PARD3: variants seen among roughly 807,000 people sequenced by gnomAD.
PARD3 encodes partitioning defective 3 homolog.
PARD3 carries 75 observed loss-of-function variants against 155.4 expected under a neutral mutation model. The observed-to-expected ratio is 0.48, with a 90% CI of 0.40 to 0.58. The LOEUF (loss-of-function observed/expected upper bound fraction) is 0.58, where lower values mean the gene tolerates loss of function less well. Among genes scored for constraint, PARD3 ranks in the 20% least tolerant of loss-of-function variants. The pLI is 0.00. For synonymous variants in PARD3, 576 were observed against 610.5 expected, an observed-to-expected ratio of 0.94 and a Z score of 0.83; for missense variants, 1,642 against 1,721.7, an observed-to-expected ratio of 0.95 and a Z score of 0.82.
At chr10:34,774,468 T>C (rs189546446) in intron 1 of PARD3, among the ~76,000 whole-genome samples, 218 of 152,334 alleles carry the variant, frequency 1.4e-3, no homozygotes, top group African/African-American at 5.0e-3. Flanking sequence ...GCTGTTTCTA[T>C]GGTTGAATAC....
At chr10:34,492,595 T>C (rs1455424882) in intron 3 of PARD3, among the ~76,000 whole-genome samples, 1 of 152,176 alleles carries the variant, frequency 6.6e-6, no homozygotes, top group African/African-American at 2.4e-5. Flanking sequence ...CTTTAGAAAA[T>C]AATATTTGAA....
intron 22 of PARD3, among the ~76,000 whole-genome samples, chr10:34,180,150 C>G (rs1223102677): frequency 2.6e-5 from 4 of 152,038 alleles, no homozygotes; most frequent in Non-Finnish European, 4.4e-5. Flanking sequence ...CGGGTTCAAG[C>G]GATTCTCCTG....
At chr10:34,705,981 G>A (rs997439392) in intron 1 of PARD3, among the ~76,000 whole-genome samples, 5 of 152,076 alleles carry the variant, frequency 3.3e-5, no homozygotes, top group African/African-American at 1.2e-4. Flanking sequence ...TCAGCCCATC[G>A]ATGACCTCCA....
chr10:34,696,405 C>T lies in PARD3; in HGVS notation c.135G>A (p.Trp45Ter). The part of the protein sequence containing the change: ...RKAIAKDPNY[W>*]IQVHRLEHGD... ...CATGTTCCAAGCGATGCACCTGTAT[C>T]CAGTAGTTTGGATCCTATACGAAAG... The change falls in exon 2 of 25, where the codon TGG becomes TGA. Residue 45 changes from tryptophan to a stop codon, truncating the protein, a stop_gained. Coordinates refer to ENST00000374788, the MANE Select transcript of PARD3 (RefSeq NM_001184785.2). LOFTEE classifies it high-confidence loss of function. 1 of 1,606,038 alleles carries T rather than the reference C, an allele frequency of 6.2e-7. No homozygotes were observed. The highest frequency in any genetic ancestry group is 8.5e-7 in the Non-Finnish European group (1 of 1,172,724).
At chr10:34,199,390 G>A (rs1331925880) in intron 22 of PARD3, among the ~76,000 whole-genome samples, 1 of 152,164 alleles carries the variant, frequency 6.6e-6, no homozygotes, top group Non-Finnish European at 1.5e-5. Context: ...GCTTAGCCTG[G>A]AGAAGCCACA....
chr10:34,787,579 C>G (rs1588748349), intron 1 of PARD3, among the ~76,000 whole-genome samples: 1 of 152,214 alleles, frequency 6.6e-6, no homozygotes, highest in East Asian at 1.9e-4. Context: ...ACAAACAATG[C>G]TGCAGAGAGG....
At chr10:34,254,673 T>G (rs73270758) in intron 22 of PARD3, among the ~76,000 whole-genome samples, 6,176 of 152,046 alleles carry the variant, frequency 0.041, 359 homozygotes, top group African/African-American at 0.13. Flanking sequence ...TGAGTCAGTC[T>G]CCTTAGCATC....
intron 23 of PARD3, among the ~76,000 whole-genome samples, chr10:34,121,555 A>G (rs2132694399): frequency 6.6e-6 from 1 of 152,366 alleles, no homozygotes; most frequent in Middle Eastern, 3.4e-3. Flanking sequence ...CTGTAAGATA[A>G]CAGGTAGCCT....
chr10:34,403,936 C>T (rs1844167791), intron 5 of PARD3, among the ~76,000 whole-genome samples: 1 of 152,122 alleles, frequency 6.6e-6, no homozygotes, highest in African/African-American at 2.4e-5. Flanking sequence ...TTAAGGACTA[C>T]TGAAATGCCA....
chr10:34,301,733 A>G (rs1219244827), intron 20 of PARD3, among the ~76,000 whole-genome samples: 1 of 151,894 alleles, frequency 6.6e-6, no homozygotes, highest in African/African-American at 2.4e-5. Flanking sequence ...ATCCTCTTCC[A>G]GTATTTACTA....
chr10:34,258,038 T>G (rs1270943940), intron 22 of PARD3, among the ~76,000 whole-genome samples: 1 of 152,230 alleles, frequency 6.6e-6, no homozygotes, highest in Admixed American at 6.5e-5. Context: ...GCAATTGGAT[T>G]TATCCTTTTA....
chr10:34,514,541 T>C (rs530559349), intron 3 of PARD3, among the ~76,000 whole-genome samples: 30 of 152,298 alleles, frequency 2.0e-4, no homozygotes, highest in African/African-American at 5.3e-4. Context: ...GACCTGTGTA[T>C]AGTAGATGCT....
intron 1 of PARD3, among the ~76,000 whole-genome samples, chr10:34,711,624 G>A (rs2094450151): frequency 6.6e-6 from 1 of 152,134 alleles, no homozygotes; most frequent in African/African-American, 2.4e-5. Context: ...AAAGGCAGGG[G>A]CCATCTTCAG....
chr10:34,652,445 A>T (rs982548563), intron 2 of PARD3, among the ~76,000 whole-genome samples: 1 of 152,198 alleles, frequency 6.6e-6, no homozygotes, highest in Admixed American at 6.5e-5. Context: ...AACCACCAGA[A>T]CCCAGAAAAC....
intron 11 of PARD3, among the ~76,000 whole-genome samples, chr10:34,373,608 T>C (rs1358976348): frequency 3.3e-5 from 5 of 151,850 alleles, no homozygotes; most frequent in African/African-American, 1.2e-4. Context: ...AGCACAAAAT[T>C]GGATAACAGT....
chr10:34,260,900 C>G (rs992500525), intron 22 of PARD3, among the ~76,000 whole-genome samples: 1 of 152,146 alleles, frequency 6.6e-6, no homozygotes, highest in African/African-American at 2.4e-5. Flanking sequence ...CCAGGCTTCC[C>G]TTTGACGCAA....
At chr10:34,756,605 C>A (rs1836777249) in intron 1 of PARD3, among the ~76,000 whole-genome samples, 1 of 151,678 alleles carries the variant, frequency 6.6e-6, no homozygotes, top group Non-Finnish European at 1.5e-5. Flanking sequence ...AGGCATGCAC[C>A]ACCACACTTG....
At position 34,667,093 on chromosome 10, in the gene PARD3, G is replaced by A. The variant is rs180926663; in HGVS notation, c.222+29225C>T. 6.7e-4 allele frequency among the ~76,000 whole-genome samples: 102 copies of A among 152,120 alleles called. 1 individual carries two copies. The highest frequency in any genetic ancestry group is 2.3e-3 in the African/African-American group (97 of 41,474). ...TGAGACAGGAGAATCGCTTGAACACGGGAGGCGGAGGTTGCAGTGAGCTGA... is the reference window on the plus strand; with the variant it reads ...TGAGACAGGAGAATCGCTTGAACACAGGAGGCGGAGGTTGCAGTGAGCTGA... On this transcript the variant is annotated intron_variant, in intron 2 of 24. Coordinates refer to ENST00000374788, the MANE Select transcript of PARD3 (RefSeq NM_001184785.2).
chr10:34,320,150 C>T (rs749754115), intron 19 of PARD3, among the ~76,000 whole-genome samples: 1 of 152,158 alleles, frequency 6.6e-6, no homozygotes, highest in Non-Finnish European at 1.5e-5. Context: ...TAAAAACTGA[C>T]TTGTGACTTT....
Sources: gnomAD v4.1 joint callset for allele counts (sites outside exome capture counted in the v4.1 genomes callset) on GRCh38, gnomAD v4.1.1 for gene constraint, MANE v1.5 for transcripts, NCBI Gene and HGNC (gene_info 2026-07-23, HGNC 2026-07-21) for gene names.